OR2C1: variants seen among roughly 807,000 people sequenced by gnomAD.
The protein encoded by OR2C1 is olfactory receptor family 2 subfamily C member 1, also known as olfactory receptor 2C1.
For missense variants in OR2C1, 468 were observed against 388.3 expected, an observed-to-expected ratio of 1.21 and a Z score of -1.73; for synonymous variants, 209 against 167.3, an observed-to-expected ratio of 1.25 and a Z score of -1.92.
chr16:3,342,676 G>A, the OR2C1 span, among the ~76,000 whole-genome samples: 2 of 152,122 alleles, frequency 1.3e-5, no homozygotes, highest in Admixed American at 6.5e-5. Context: ...TCGGGAGTTC[G>A]AGATCAGCCT....
chr16:3,322,971 GA>G, the OR2C1 span: 2 of 980,620 alleles, frequency 2.0e-6, no homozygotes, highest in Non-Finnish European at 2.4e-6. Context: ...AGCCAATGTA[GA>G]AAATGCTGGA....
chr16:3,334,435 C>G, the OR2C1 span, among the ~76,000 whole-genome samples: 2 of 151,364 alleles, frequency 1.3e-5, no homozygotes, highest in Admixed American at 6.6e-5. Flanking sequence ...CTCAGCACAG[C>G]CTGCTAATTT....
At chr16:3,354,770 G>T (rs550404688), upstream of OR2C1, among the ~76,000 whole-genome samples, 3 of 152,226 alleles carry the variant, frequency 2.0e-5, no homozygotes, top group East Asian at 5.8e-4. Context: ...CTGGGGAAAT[G>T]TGTTGTTGCT....
chr16:3,335,101 G>C, the OR2C1 span, among the ~76,000 whole-genome samples: 2 of 152,210 alleles, frequency 1.3e-5, no homozygotes, highest in Admixed American at 1.3e-4. Context: ...TTACAGGCGT[G>C]AGCCACCATG....
chr16:3,352,738 CTTTTTT>C (rs56083973), upstream of OR2C1, among the ~76,000 whole-genome samples: 1 of 113,134 alleles, frequency 8.8e-6, no homozygotes, highest in Non-Finnish European at 1.8e-5. Flanking sequence ...TTCTTTCTTT[CTTTTTT>C]TTTTTTTTTT....
the OR2C1 span, among the ~76,000 whole-genome samples, chr16:3,344,143 C>T: frequency 6.6e-6 from 1 of 152,030 alleles, no homozygotes; most frequent in Non-Finnish European, 1.5e-5. Flanking sequence ...ATCACTTGAA[C>T]CCAGGAGGTG....
chr16:3,337,094 A>T, the OR2C1 span, among the ~76,000 whole-genome samples: 1 of 151,874 alleles, frequency 6.6e-6, no homozygotes, highest in Non-Finnish European at 1.5e-5. Context: ...ACCTCAGGTG[A>T]TCCACCTGCC....
At chr16:3,337,983 G>C in the OR2C1 span, among the ~76,000 whole-genome samples, 1 of 152,172 alleles carries the variant, frequency 6.6e-6, no homozygotes, top group Non-Finnish European at 1.5e-5. Flanking sequence ...GTAGGTCACT[G>C]CGTCCTTTTT....
At chr16:3,329,023 C>T in the OR2C1 span, among the ~76,000 whole-genome samples, 3 of 151,474 alleles carry the variant, frequency 2.0e-5, no homozygotes, top group Admixed American at 6.6e-5. Context: ...GAAGCAGGGT[C>T]TCACTTTGTC....
chr16:3,352,730 C>A (rs1462878935), upstream of OR2C1, among the ~76,000 whole-genome samples: 1 of 106,620 alleles, frequency 9.4e-6, no homozygotes, highest in Admixed American at 1.3e-4. Flanking sequence ...CTGTCTGTTT[C>A]TTTCTTTCTT....
upstream of OR2C1, among the ~76,000 whole-genome samples, chr16:3,353,817 G>GGAAA (rs1567285594): frequency 3.3e-4 from 50 of 151,136 alleles, no homozygotes; most frequent in African/African-American, 1.2e-3. Context: ...AGAGAAAGAA[G>GGAAA]GAAGGAAGGA....
upstream of OR2C1, among the ~76,000 whole-genome samples, chr16:3,352,883 A>T (rs1475436453): frequency 2.0e-5 from 3 of 151,766 alleles, no homozygotes; most frequent in East Asian, 5.8e-4. Context: ...CTGGGATTAC[A>T]GACATGTAGC....
At chr16:3,323,347 G>A in the OR2C1 span, 39 of 1,105,214 alleles carry the variant, frequency 3.5e-5, no homozygotes, top group Non-Finnish European at 4.7e-5. Context: ...TTCACTGGGA[G>A]GCAATTTCAT....
chr16:3,351,169 A>G (rs918043087), upstream of OR2C1, among the ~76,000 whole-genome samples: 1 of 149,396 alleles, frequency 6.7e-6, no homozygotes, highest in Non-Finnish European at 1.5e-5. Flanking sequence ...AAAATGCCCT[A>G]TCGTAATTTC....
At chr16:3,355,457 C>CAAAAAAAAAAAAAAAAAAA (rs56022625), upstream of OR2C1, among the ~76,000 whole-genome samples, 46 of 45,486 alleles carry the variant, frequency 1.0e-3, 6 homozygotes, top group East Asian at 2.1e-3. Context: ...GACTCTGTCT[C>CAAAAAAAAAAAAAAAAAAA]AAAAAAAAAA....
Position 3,356,444 on chromosome 16 carries a change from G to A in OR2C1, c.504G>A (p.Leu168=). The part of the protein sequence containing the change: ...IQSTFTLQLP[L]CGHRRVEGFL... ...CAACATTCACTCTGCAGCTCCCATT[G>A]TGTGGGCACCGGAGGGTGGAGGGAT... Residue 168 remains leucine (L), a synonymous_variant, in exon 1 of 1, where the codon TTG becomes TTA. Coordinates refer to ENST00000304936, the MANE Select transcript of OR2C1 (RefSeq NM_012368.3). 1 of 1,614,010 alleles carries A rather than the reference G, an allele frequency of 6.2e-7. No individual in the cohort carries two copies. Among genetic ancestry groups the A allele is most frequent in the South Asian group, 1.1e-5 (1 of 91,086 alleles).
At chr16:3,354,096 G>A (rs2030620751), upstream of OR2C1, among the ~76,000 whole-genome samples, 1 of 149,868 alleles carries the variant, frequency 6.7e-6, no homozygotes, top group African/African-American at 2.5e-5. Context: ...TGTTTCTGCT[G>A]CCTCAGCCTC....
chr16:3,343,275 A>G, the OR2C1 span, among the ~76,000 whole-genome samples: 1 of 152,066 alleles, frequency 6.6e-6, no homozygotes, highest in African/African-American at 2.4e-5. Flanking sequence ...TAACTTTTGT[A>G]TTTTTTTGTA....
chr16:3,350,275 G>A, the OR2C1 span, among the ~76,000 whole-genome samples: 2 of 150,868 alleles, frequency 1.3e-5, no homozygotes, highest in Non-Finnish European at 2.9e-5. Flanking sequence ...GTCTGGTCTC[G>A]AACTCCTGAC....
Sources: allele counts gnomAD v4.1 joint callset (sites outside exome capture counted in the v4.1 genomes callset), GRCh38; gene constraint gnomAD v4.1.1; transcripts MANE v1.5; gene names NCBI Gene and HGNC (gene_info 2026-07-23, HGNC 2026-07-21).